Variants in ADAMTS3 observed in about 807,000 individuals in gnomAD.
ADAMTS3 encodes the protein A disintegrin and metalloproteinase with thrombospondin motifs 3.
In ADAMTS3, 73 loss-of-function variants were observed where a neutral mutation model predicts 129.0. That is an observed-to-expected ratio of 0.57 (90% confidence interval 0.47 to 0.69). ADAMTS3 has a LOEUF of 0.69. Among genes scored for constraint, ADAMTS3 ranks in the 30% least tolerant of loss-of-function variants. The pLI, the probability that ADAMTS3 is intolerant of heterozygous loss-of-function variation, is 0.00. For synonymous variants in ADAMTS3, 477 were observed against 510.8 expected (o/e 0.93, Z 0.89); for missense variants, 1,457 against 1,514.5 (o/e 0.96, Z 0.63).
At chr4:72,467,620 T>G (rs1187750452) in intron 3 of ADAMTS3, among the ~76,000 whole-genome samples, 1 of 152,058 alleles carries the variant, frequency 6.6e-6, no homozygotes. Context: ...GCCTAAAATA[T>G]GCTCCTTCCT....
chr4:72,473,733 G>GTACA (rs1397878472), intron 3 of ADAMTS3, among the ~76,000 whole-genome samples: 1 of 152,118 alleles, frequency 6.6e-6, no homozygotes, highest in East Asian at 1.9e-4. Context: ...CACTTCCCTA[G>GTACA]TACACTGTGT....
intron 2 of ADAMTS3, among the ~76,000 whole-genome samples, chr4:72,561,604 C>T (rs529610569): frequency 6.6e-6 from 1 of 152,244 alleles, no homozygotes; most frequent in East Asian, 1.9e-4. Context: ...TGCCATCAAT[C>T]ATTCTTTTTG....
chr4:72,474,785 G>A (rs1264182876), intron 3 of ADAMTS3, among the ~76,000 whole-genome samples: 1 of 152,102 alleles, frequency 6.6e-6, no homozygotes. Flanking sequence ...CCAGCACTTT[G>A]GGAGGCCGAG....
intron 3 of ADAMTS3, among the ~76,000 whole-genome samples, chr4:72,464,662 A>T (rs1220546835): frequency 6.6e-5 from 10 of 152,096 alleles, no homozygotes; most frequent in Admixed American, 6.6e-4. Flanking sequence ...AATCTAATTC[A>T]GTCAAATACT....
intron 9 of ADAMTS3, 104 bp downstream of exon 9, chr4:72,319,227 AG>A (rs1719486521): frequency 7.4e-7 from 1 of 1,343,380 alleles, no homozygotes; most frequent in South Asian, 1.3e-5. Context: ...TATCAGTAAT[AG>A]TTTTCATTTA....
chr4:72,316,692 AAATAAT>A (rs754769289), intron 10 of ADAMTS3, among the ~76,000 whole-genome samples: 1 of 97,798 alleles, frequency 1.0e-5, no homozygotes, highest in African/African-American at 2.6e-5. Flanking sequence ...CACTATCTCA[AAATAAT>A]AATAATAATA....
chr4:72,562,944 A>C (rs1721938368), intron 2 of ADAMTS3, among the ~76,000 whole-genome samples: 1 of 152,192 alleles, frequency 6.6e-6, no homozygotes, highest in East Asian at 1.9e-4. Flanking sequence ...CAAGCACAAT[A>C]ACCCAACTCT....
intron 3 of ADAMTS3, among the ~76,000 whole-genome samples, chr4:72,437,864 A>G (rs944661893): frequency 6.6e-5 from 10 of 151,882 alleles, no homozygotes; most frequent in Admixed American, 2.6e-4. Flanking sequence ...GTAATATGCT[A>G]ATAATAGTAA....
chr4:72,395,963 A>G (rs1721714703), intron 4 of ADAMTS3, among the ~76,000 whole-genome samples: 1 of 152,228 alleles, frequency 6.6e-6, no homozygotes, highest in Non-Finnish European at 1.5e-5. Flanking sequence ...TATTTGAAAC[A>G]AAAAGTATTA....
intron 3 of ADAMTS3, among the ~76,000 whole-genome samples, chr4:72,449,554 C>T (rs1238639139): frequency 6.6e-6 from 1 of 151,796 alleles, no homozygotes; most frequent in Admixed American, 6.6e-5. Context: ...ACCATCACAC[C>T]TCACCTGAAC....
intron 3 of ADAMTS3, among the ~76,000 whole-genome samples, chr4:72,458,278 A>G (rs904261550): frequency 2.0e-5 from 3 of 151,602 alleles, no homozygotes; most frequent in African/African-American, 7.3e-5. Context: ...CCAGAGCCTT[A>G]AAGTCTCCAA....
intron 3 of ADAMTS3, among the ~76,000 whole-genome samples, chr4:72,447,119 T>C (rs544975969): frequency 1.3e-3 from 192 of 151,904 alleles, no homozygotes; most frequent in Middle Eastern, 3.4e-3. Flanking sequence ...AATAGGCAAC[T>C]GTTCTTACGG....
At chr4:72,355,142 A>ATT (rs368895834) in intron 4 of ADAMTS3, among the ~76,000 whole-genome samples, 4 of 149,284 alleles carry the variant, frequency 2.7e-5, no homozygotes, top group Admixed American at 6.7e-5. Flanking sequence ...TAGTCTACTC[A>ATT]TTTTTTTTTG....
chr4:72,513,910 T>C (rs1205025658), intron 3 of ADAMTS3, among the ~76,000 whole-genome samples: 1 of 152,192 alleles, frequency 6.6e-6, no homozygotes, highest in East Asian at 1.9e-4. Context: ...GTTTAGCTCC[T>C]ATTTATAAGC....
chr4:72,318,186 A>C (rs947143583), intron 10 of ADAMTS3, among the ~76,000 whole-genome samples: 3 of 152,132 alleles, frequency 2.0e-5, no homozygotes, highest in Non-Finnish European at 2.9e-5. Flanking sequence ...AAAAGCAATA[A>C]ATCTAAGGCT....
chr4:72,568,286 C>A (rs1722072898), intron 1 of ADAMTS3, among the ~76,000 whole-genome samples: 1 of 152,200 alleles, frequency 6.6e-6, no homozygotes, highest in Admixed American at 6.5e-5. Flanking sequence ...AGGAACCCGA[C>A]TCTGGCGGCA....
intron 5 of ADAMTS3, among the ~76,000 whole-genome samples, chr4:72,337,309 T>G (rs1049372059): frequency 6.6e-6 from 1 of 152,218 alleles, no homozygotes. Flanking sequence ...ACAAAAGTCC[T>G]CTTGACTGTT....
At chr4:72,541,200 A>C (rs1213363645) in intron 3 of ADAMTS3, among the ~76,000 whole-genome samples, 1 of 152,192 alleles carries the variant, frequency 6.6e-6, no homozygotes, top group Non-Finnish European at 1.5e-5. Context: ...TGAGACCTGG[A>C]GTCAAAGGAG....
chr4:72,350,658 C>T (rs1720410697), intron 4 of ADAMTS3, among the ~76,000 whole-genome samples: 2 of 151,974 alleles, frequency 1.3e-5, no homozygotes, highest in South Asian at 4.1e-4. Context: ...TGCCCATCTA[C>T]AGCTAATGAC....
Sources: gnomAD v4.1 joint callset for allele counts (sites outside exome capture counted in the v4.1 genomes callset) on GRCh38, gnomAD v4.1.1 for gene constraint, MANE v1.5 for transcripts, NCBI Gene and HGNC (gene_info 2026-07-23, HGNC 2026-07-21) for gene names.